ST6GALNAC5: variants seen among roughly 807,000 people sequenced by gnomAD.
ST6GALNAC5 encodes the protein ST6 N-acetylgalactosaminide alpha-2,6-sialyltransferase 5, also known as alpha-N-acetylgalactosaminide alpha-2,6-sialyltransferase 5.
A neutral mutation model predicts 33.6 loss-of-function variants in ST6GALNAC5; 27 were observed. The ratio of observed to expected loss-of-function variants is 0.80; its 90% CI spans 0.59 to 1.11. ST6GALNAC5 has a LOEUF of 1.11. Ranked by LOEUF, ST6GALNAC5 falls within the 50% of genes least tolerant of loss-of-function variation. The pLI, the probability that ST6GALNAC5 is intolerant of heterozygous loss-of-function variation, is 0.00. For synonymous variants in ST6GALNAC5, 194 were observed against 171.2 expected (o/e 1.13, Z -1.04); for missense variants, 428 against 454.0 (o/e 0.94, Z 0.52).
At chr1:76,872,068 A>AACACACACACACACAC (rs66721550) in intron 2 of ST6GALNAC5, among the ~76,000 whole-genome samples, 3 of 130,224 alleles carry the variant, frequency 2.3e-5, no homozygotes, top group African/African-American at 8.8e-5. Context: ...TAACCAAGCT[A>AACACACACACACACAC]ACACACACAC....
At chr1:76,879,579 G>T (rs4579809) in intron 2 of ST6GALNAC5, among the ~76,000 whole-genome samples, 14 of 152,310 alleles carry the variant, frequency 9.2e-5, no homozygotes, top group African/African-American at 3.1e-4. Flanking sequence ...TACAGGTCTA[G>T]AAGCAAACAG....
intron 2 of ST6GALNAC5, among the ~76,000 whole-genome samples, chr1:76,978,788 AAG>A (rs1649128729): frequency 6.6e-6 from 1 of 152,246 alleles, no homozygotes. Flanking sequence ...GCCATTAGGC[AAG>A]AGAGAGAAAT....
chr1:76,979,699 G>A (rs1222640672), intron 2 of ST6GALNAC5, among the ~76,000 whole-genome samples: 1 of 152,166 alleles, frequency 6.6e-6, no homozygotes, highest in African/African-American at 2.4e-5. Flanking sequence ...GGCCAAGGCG[G>A]GCAGATCACC....
chr1:76,956,994 TTTATTTTTATTTTAC>T (rs1648026644), intron 2 of ST6GALNAC5, among the ~76,000 whole-genome samples: 1 of 152,220 alleles, frequency 6.6e-6, no homozygotes, highest in African/African-American at 2.4e-5. Context: ...GTTTATTTTA[TTTATTTTTATTTTAC>T]CCAACTTGTA....
At chr1:77,055,471 C>A (rs763347876) in intron 4 of ST6GALNAC5, among the ~76,000 whole-genome samples, 1 of 152,148 alleles carries the variant, frequency 6.6e-6, no homozygotes, top group Admixed American at 6.5e-5. Context: ...TTTTCTTGAA[C>A]CTTATAATAA....
At chr1:77,016,818 C>A (rs949635603) in intron 2 of ST6GALNAC5, among the ~76,000 whole-genome samples, 2 of 152,302 alleles carry the variant, frequency 1.3e-5, no homozygotes, top group South Asian at 4.1e-4. Flanking sequence ...AGGGACACTG[C>A]ACTGAAATTA....
At chr1:76,914,979 T>A (rs1646954605) in intron 2 of ST6GALNAC5, among the ~76,000 whole-genome samples, 1 of 150,280 alleles carries the variant, frequency 6.7e-6, no homozygotes, top group African/African-American at 2.4e-5. Flanking sequence ...TACAATGAAC[T>A]CAAACAAATT....
At chr1:76,946,740 G>C (rs567277066) in intron 2 of ST6GALNAC5, among the ~76,000 whole-genome samples, 3 of 152,098 alleles carry the variant, frequency 2.0e-5, no homozygotes, top group South Asian at 2.1e-4. Context: ...ATGATTTTGG[G>C]CTTCTGCTTT....
chr1:76,989,378 TTAC>T (rs1553170832), intron 2 of ST6GALNAC5, among the ~76,000 whole-genome samples: 1 of 152,112 alleles, frequency 6.6e-6, no homozygotes, highest in Non-Finnish European at 1.5e-5. Context: ...AATTATTCCA[TTAC>T]TGTGTTATAT....
At chr1:76,888,566 C>A (rs1265602660) in intron 2 of ST6GALNAC5, among the ~76,000 whole-genome samples, 1 of 151,414 alleles carries the variant, frequency 6.6e-6, no homozygotes, top group African/African-American at 2.4e-5. Context: ...GATTTTTTCC[C>A]TATTATTTAA....
chr1:76,906,025 A>G (rs1295279199), intron 2 of ST6GALNAC5, among the ~76,000 whole-genome samples: 1 of 152,186 alleles, frequency 6.6e-6, no homozygotes, highest in Non-Finnish European at 1.5e-5. Flanking sequence ...GAAAGCAAAC[A>G]AGATGCTCTT....
intron 2 of ST6GALNAC5, among the ~76,000 whole-genome samples, chr1:76,975,476 T>C (rs1027744816): frequency 2.0e-4 from 30 of 152,222 alleles, no homozygotes; most frequent in African/African-American, 7.0e-4. Context: ...TGAAGCATTA[T>C]ACGTTCAAAA....
At chr1:77,030,572 G>A (rs1326713457) in intron 2 of ST6GALNAC5, among the ~76,000 whole-genome samples, 1 of 152,196 alleles carries the variant, frequency 6.6e-6, no homozygotes, top group Non-Finnish European at 1.5e-5. Context: ...GACATGAACA[G>A]AGGAATAGCT....
intron 2 of ST6GALNAC5, among the ~76,000 whole-genome samples, chr1:76,947,050 A>T (rs2100332319): frequency 6.6e-6 from 1 of 152,276 alleles, no homozygotes; most frequent in South Asian, 2.1e-4. Flanking sequence ...ATTCAAAGTC[A>T]TAACAATAAT....
In ST6GALNAC5 at chr1:76,868,401, C is replaced by A. The variant is rs1653401455; in HGVS notation, c.16-96C>A. On this transcript the variant is annotated intron_variant, in intron 1 of 4. Transcript: ENST00000477717. The surrounding 1 kb of genome is among the most constrained non-coding windows in gnomAD (Gnocchi z 4.3). ...GGCCCAGGCCGCCCCAAATCTCCCC[C>A]ACTAGAGTGACCACCGCACAGTTGT... is the stretch of plus-strand genomic sequence containing the variant. 8.7e-6 allele frequency: 13 copies of A among 1,487,722 alleles called. No homozygotes were observed. The highest frequency in any genetic ancestry group is 2.2e-5 in the Admixed American group (1 of 44,558). The allele number at this position is 1,487,722 out of a possible 1,614,324, so 92.2% of individuals were successfully genotyped here.
chr1:77,001,001 T>C (rs1346731584), intron 2 of ST6GALNAC5, among the ~76,000 whole-genome samples: 2 of 151,518 alleles, frequency 1.3e-5, no homozygotes, highest in African/African-American at 2.4e-5. Flanking sequence ...ATATGAACTT[T>C]AAAGTAGTTT....
intron 2 of ST6GALNAC5, among the ~76,000 whole-genome samples, chr1:76,902,456 A>G (rs1378181377): frequency 6.6e-6 from 1 of 152,162 alleles, no homozygotes; most frequent in African/African-American, 2.4e-5. Context: ...AAATAGATCT[A>G]AAGATTCAGT....
chr1:76,903,769 C>G (rs1418301094), intron 2 of ST6GALNAC5, among the ~76,000 whole-genome samples: 1 of 152,074 alleles, frequency 6.6e-6, no homozygotes, highest in Non-Finnish European at 1.5e-5. Flanking sequence ...AAGAAGGAAA[C>G]TTGAAACCAT....
intron 3 of ST6GALNAC5, among the ~76,000 whole-genome samples, chr1:77,047,865 T>A (rs932158730): frequency 6.6e-6 from 1 of 152,158 alleles, no homozygotes; most frequent in African/African-American, 2.4e-5. Flanking sequence ...TAAAAGAATA[T>A]CTGATAATTT....
Sources: gnomAD v4.1 joint callset for allele counts (sites outside exome capture counted in the v4.1 genomes callset) on GRCh38, gnomAD v4.1.1 for gene constraint, Gnocchi (gnomAD v3.1) non-coding constraint, MANE v1.5 for transcripts, NCBI Gene and HGNC (gene_info 2026-07-23, HGNC 2026-07-21) for gene names.